The following CYTH1 variants were observed in gnomAD, a reference collection of about 807,000 sequenced individuals.
The protein encoded by CYTH1 is cytohesin-1.
Under a neutral mutation model 61.8 loss-of-function variants are expected in CYTH1, and 18 were observed. That is an observed-to-expected ratio of 0.29 (90% CI 0.20 to 0.43). CYTH1 has a LOEUF of 0.43. Among genes scored for constraint, CYTH1 ranks in the 20% least tolerant of loss-of-function variants. The pLI is 1.00. For synonymous variants in CYTH1, 174 were observed against 184.3 expected (o/e 0.94, Z 0.45); for missense variants, 336 against 510.5 (o/e 0.66, Z 3.29).
chr17:78,738,626 TAA>T (rs139579890), intron 1 of CYTH1, among the ~76,000 whole-genome samples: 8,604 of 145,210 alleles, frequency 0.059, 468 homozygotes, highest in South Asian at 0.16. Flanking sequence ...TGCATATATT[TAA>T]AAAAAAAAAA....
At chr17:78,684,287 A>G (rs1391166334) in intron 11 of CYTH1, among the ~76,000 whole-genome samples, 3 of 152,224 alleles carry the variant, frequency 2.0e-5, no homozygotes, top group Non-Finnish European at 4.4e-5. Flanking sequence ...GCTATCCCTC[A>G]GTGCTGGAGT....
intron 1 of CYTH1, among the ~76,000 whole-genome samples, chr17:78,745,465 T>C (rs1002392140): frequency 1.6e-4 from 25 of 152,120 alleles, no homozygotes; most frequent in Admixed American, 1.2e-3. Context: ...CTCCTAGAAG[T>C]GGTTGCTACA....
At chr17:78,690,273 A>C (rs2092865912) in intron 11 of CYTH1, among the ~76,000 whole-genome samples, 1 of 151,580 alleles carries the variant, frequency 6.6e-6, no homozygotes, top group Non-Finnish European at 1.5e-5. Flanking sequence ...CAGCGCCTGT[A>C]GTCCCAGCTA....
chr17:78,707,583 TA>T (rs961074277), intron 3 of CYTH1, among the ~76,000 whole-genome samples: 20 of 152,096 alleles, frequency 1.3e-4, no homozygotes, highest in Non-Finnish European at 2.6e-4. Context: ...ACAGAAACTT[TA>T]AAATGCACAC....
At chr17:78,777,323 G>A (rs2093496477) in intron 1 of CYTH1, among the ~76,000 whole-genome samples, 1 of 151,618 alleles carries the variant, frequency 6.6e-6, no homozygotes, top group Non-Finnish European at 1.5e-5. Flanking sequence ...GGAGGCTGAG[G>A]CAGGAGATGG....
chr17:78,696,047 T>G, intron 9 of CYTH1, 38 bp from the exon 10 acceptor site: 1 of 1,367,594 alleles, frequency 7.3e-7, no homozygotes, highest in Non-Finnish European at 9.8e-7. Context: ...GCCAAAATCA[T>G]GGAAACATAC....
intron 1 of CYTH1, among the ~76,000 whole-genome samples, chr17:78,760,563 A>ATG (rs2093424347): frequency 3.0e-5 from 1 of 32,830 alleles, no homozygotes; most frequent in East Asian, 4.9e-4. Context: ...ATATGTATAT[A>ATG]TATATACACA....
Position 78,693,609 on chromosome 17 carries a change from A to AG in CYTH1, c.815-1117dup, listed in dbSNP as rs2092910325. 2.0e-5 allele frequency among the ~76,000 whole-genome samples: 3 copies of AG among 150,398 alleles called. No homozygotes were observed. The South Asian group carries it at 6.3e-4, about 32-fold the overall frequency. The stretch of plus-strand genomic sequence containing the variant: ...GCACTCCCGCCTGGGTGACACAGGG[A>AG]GACTCCCTCTCAAAAAAAAAGAAAA... On this transcript the variant is annotated intron_variant, in intron 10 of 13. Coordinates refer to ENST00000446868, the MANE Select transcript of CYTH1 (RefSeq NM_004762.6).
At position 78,675,004 on chromosome 17, in the gene CYTH1, G is replaced by T. The variant is rs573906196; in HGVS notation, c.*1087C>A. The T allele has an allele frequency of 1.3e-3, 192 of 152,508 alleles. No homozygotes were observed. Among genetic ancestry groups the T allele is most frequent in the Non-Finnish European group, 2.3e-3 (159 of 68,170 alleles). The allele number at this position is 152,508 out of a possible 1,614,324, so 9.4% of individuals were successfully genotyped here. ...GGGGGCCCACCACAAAATGCATCCA[G>T]AGTAGTCCAGTTAGGGCTGGTTTTG... On this transcript the variant is annotated 3_prime_UTR_variant, in exon 14 of 14. Coordinates refer to ENST00000446868, the MANE Select transcript of CYTH1 (RefSeq NM_004762.6).
In CYTH1 at chr17:78,721,461, T is replaced by C. The variant is rs144068045; in HGVS notation, c.23-11729A>G. Among the ~76,000 whole-genome samples the C allele has an allele frequency of 2.0e-3, 312 of 152,384 alleles. 1 individual carries two copies. Among genetic ancestry groups the C allele is most frequent in the South Asian group, 0.012 (58 of 4,834 alleles). On this transcript the variant is annotated intron_variant, in intron 1 of 13. Coordinates refer to ENST00000446868, the MANE Select transcript of CYTH1 (RefSeq NM_004762.6). Reference sequence around the variant, plus strand: ...CCGGCAAATTGCCAATATGAATATTTAGACTATTCTAATTTAAATTTCTTC... The same window carrying C: ...CCGGCAAATTGCCAATATGAATATTCAGACTATTCTAATTTAAATTTCTTC...
rs1396708651 is a variant in CYTH1 at position 78,777,827 on chromosome 17, A to G, written c.22+4375T>C. The stretch of plus-strand genomic sequence containing the variant: ...TGGTGAAACCCCATCTCTATTAAAA[A>G]TACAAAAAAAAAAAAAAAGAAAGAA... On this transcript the variant is annotated intron_variant, in intron 1 of 13. Coordinates refer to ENST00000446868, the MANE Select transcript of CYTH1 (RefSeq NM_004762.6). 6.6e-5 allele frequency among the ~76,000 whole-genome samples: 10 copies of G among 150,704 alleles called. No homozygotes were observed. In the East Asian group the frequency reaches 1.9e-3, roughly 29 times the overall value.
intron 1 of CYTH1, among the ~76,000 whole-genome samples, chr17:78,770,201 G>A (rs902215565): frequency 2.0e-5 from 3 of 151,112 alleles, no homozygotes; most frequent in Non-Finnish European, 3.0e-5. Flanking sequence ...GCGGGTGTCT[G>A]TAATCCCAGC....
At chr17:78,767,895 G>T (rs1218344579) in intron 1 of CYTH1, among the ~76,000 whole-genome samples, 4 of 152,056 alleles carry the variant, frequency 2.6e-5, no homozygotes, top group Admixed American at 2.6e-4. Context: ...TCAATCTTAG[G>T]GCTGTTGGAA....
rs367574719 is a variant in CYTH1 at position 78,725,982 on chromosome 17, G to A, written c.23-16250C>T. Among the ~76,000 whole-genome samples, 12 of 151,808 alleles carry A rather than the reference G, an allele frequency of 7.9e-5. 4 individuals carry two copies. The highest frequency in any genetic ancestry group is 6.6e-5 in the Admixed American group (1 of 15,256). On this transcript the variant is annotated intron_variant, in intron 1 of 13. Coordinates refer to ENST00000446868, the MANE Select transcript of CYTH1 (RefSeq NM_004762.6). ...GACTGGCCACAGAATAGGAATCTCA[G>A]GACCAACAGAAAACATGAACGTTTT...
chr17:78,697,329 A>AAAC (rs1444281842), intron 9 of CYTH1, among the ~76,000 whole-genome samples: 2 of 150,444 alleles, frequency 1.3e-5, no homozygotes, highest in African/African-American at 4.9e-5. Context: ...AGTGTCCAAA[A>AAAC]AAAAAAAAAA....
At chr17:78,709,838 G>GT in intron 1 of CYTH1, 106 bp from the exon 2 acceptor site, 1 of 957,360 alleles carries the variant, frequency 1.0e-6, no homozygotes, top group Non-Finnish European at 1.6e-6. Context: ...GAAACTAGAA[G>GT]TCAGTTTCAG....
At chr17:78,703,153 C>T (rs982493242) in intron 3 of CYTH1, among the ~76,000 whole-genome samples, 1 of 151,542 alleles carries the variant, frequency 6.6e-6, no homozygotes, top group African/African-American at 2.4e-5. Context: ...GTGGCTCATG[C>T]CTGTAATCCC....
At chr17:78,749,653 A>C (rs2093372132) in intron 1 of CYTH1, among the ~76,000 whole-genome samples, 1 of 151,804 alleles carries the variant, frequency 6.6e-6, no homozygotes, top group Admixed American at 6.6e-5. Context: ...ATAACAAATA[A>C]AAATAAAAAA....
chr17:78,709,792 A>T (rs2093109271), intron 1 of CYTH1, 60 bp from the exon 2 acceptor site: 3 of 1,496,222 alleles, frequency 2.0e-6, no homozygotes, highest in Non-Finnish European at 2.8e-6. Context: ...ATCAAGGAAG[A>T]TCCAGAGGCC....
Sources: allele counts gnomAD v4.1 joint callset (sites outside exome capture counted in the v4.1 genomes callset), GRCh38; gene constraint gnomAD v4.1.1; transcripts MANE v1.5; gene names NCBI Gene and HGNC (gene_info 2026-07-23, HGNC 2026-07-21).